Variants in CCDC30 observed in about 807,000 individuals in gnomAD.
CCDC30 encodes the protein coiled-coil domain containing 30.
Under a neutral mutation model 100.2 loss-of-function variants are expected in CCDC30, and 70 were observed. That is an observed-to-expected ratio of 0.70 (90% confidence interval 0.58 to 0.85). The LOEUF (loss-of-function observed/expected upper bound fraction) is 0.85. Ranked by LOEUF, CCDC30 falls within the 40% of genes least tolerant of loss-of-function variation. The pLI, the probability that CCDC30 is intolerant of heterozygous loss-of-function variation, is 0.00. For missense variants in CCDC30, 652 were observed against 771.2 expected, an observed-to-expected ratio of 0.85 and a Z score of 1.83; for synonymous variants, 233 against 269.5, an observed-to-expected ratio of 0.86 and a Z score of 1.33.
intron 7 of CCDC30, among the ~76,000 whole-genome samples, chr1:42,574,299 G>A (rs758764112): frequency 6.6e-6 from 1 of 151,868 alleles, no homozygotes; most frequent in Non-Finnish European, 1.5e-5. Context: ...GTTATGAGAA[G>A]TCAAGTTCTT....
intron 1 of CCDC30, chr1:42,473,059 T>C (rs985110798): frequency 6.6e-6 from 8 of 1,217,382 alleles, no homozygotes; most frequent in South Asian, 8.6e-5. Context: ...CACATAGATA[T>C]CTTGCATCCT....
intron 10 of CCDC30, among the ~76,000 whole-genome samples, chr1:42,608,907 A>G (rs113918987): frequency 5.9e-5 from 9 of 152,302 alleles, no homozygotes; most frequent in African/African-American, 1.9e-4. Flanking sequence ...ACAATCTGGC[A>G]GAAGGATTCC....
At chr1:42,513,724 C>G (rs1248140000) in intron 6 of CCDC30, among the ~76,000 whole-genome samples, 5 of 152,082 alleles carry the variant, frequency 3.3e-5, no homozygotes, top group African/African-American at 1.2e-4. Flanking sequence ...CTTTTTAACT[C>G]CTATATCATT....
At chr1:42,559,719 G>A (rs1029811749) in intron 6 of CCDC30, among the ~76,000 whole-genome samples, 11 of 152,072 alleles carry the variant, frequency 7.2e-5, no homozygotes, top group Non-Finnish European at 1.6e-4. Flanking sequence ...CCCACTGTCA[G>A]TATTAGACAG....
chr1:42,640,895 A>G (rs1223535659), intron 12 of CCDC30, among the ~76,000 whole-genome samples: 1 of 152,060 alleles, frequency 6.6e-6, no homozygotes, highest in Non-Finnish European at 1.5e-5. Context: ...TTTATCTAAA[A>G]AAAAAATTAA....
At chr1:42,627,005 G>A (rs1336494218) in intron 11 of CCDC30, among the ~76,000 whole-genome samples, 4 of 152,196 alleles carry the variant, frequency 2.6e-5, no homozygotes, top group Admixed American at 6.5e-5. Flanking sequence ...TGGATAACAG[G>A]CAGAGGTTGG....
intron 14 of CCDC30, among the ~76,000 whole-genome samples, chr1:42,645,145 C>G (rs1056399341): frequency 1.3e-5 from 2 of 152,072 alleles, no homozygotes; most frequent in Admixed American, 6.6e-5. Flanking sequence ...AGGAGTGTAT[C>G]TCATATATTA....
chr1:42,599,642 A>G (rs1267101449), intron 10 of CCDC30, among the ~76,000 whole-genome samples: 1 of 152,248 alleles, frequency 6.6e-6, no homozygotes, highest in African/African-American at 2.4e-5. Context: ...AACAAAACCC[A>G]ACTATATGTT....
chr1:42,612,320 A>G (rs372745381), intron 11 of CCDC30, among the ~76,000 whole-genome samples: 3 of 152,324 alleles, frequency 2.0e-5, no homozygotes, highest in Admixed American at 6.5e-5. Flanking sequence ...GGAATAGGAT[A>G]TCATATAGAA....
At chr1:42,653,141 T>C (rs966637710) in intron 15 of CCDC30, among the ~76,000 whole-genome samples, 1 of 152,104 alleles carries the variant, frequency 6.6e-6, no homozygotes, top group South Asian at 2.1e-4. Flanking sequence ...TATAGTACCA[T>C]GTGTGTAAAA....
intron 6 of CCDC30, among the ~76,000 whole-genome samples, chr1:42,502,662 A>G (rs1298538928): frequency 6.6e-6 from 1 of 151,948 alleles, no homozygotes; most frequent in Non-Finnish European, 1.5e-5. Context: ...AACTCTATCC[A>G]TTATCCATTA....
At chr1:42,576,480 G>A (rs1279771588) in intron 7 of CCDC30, among the ~76,000 whole-genome samples, 2 of 152,200 alleles carry the variant, frequency 1.3e-5, no homozygotes, top group Admixed American at 6.5e-5. Context: ...TTTCATTTTG[G>A]CAAGTATTGG....
intron 6 of CCDC30, among the ~76,000 whole-genome samples, chr1:42,557,012 A>G (rs1341517875): frequency 6.6e-6 from 1 of 152,192 alleles, no homozygotes; most frequent in Non-Finnish European, 1.5e-5. Flanking sequence ...AGTAGTGACT[A>G]TAGCCACATT....
chr1:42,566,941 G>A (rs1415336672), intron 7 of CCDC30, among the ~76,000 whole-genome samples: 1 of 152,132 alleles, frequency 6.6e-6, no homozygotes, highest in Non-Finnish European at 1.5e-5. Flanking sequence ...AATAATCTAT[G>A]TAGAACTGCC....
At chr1:42,456,526 G>T in the CCDC30 span, 1 of 1,437,430 alleles carries the variant, frequency 7.0e-7, no homozygotes, top group South Asian at 1.5e-5. Flanking sequence ...GTGGCGCGGC[G>T]GCCGCGAAAC....
intron 11 of CCDC30, among the ~76,000 whole-genome samples, chr1:42,614,785 T>G (rs917952772): frequency 7.1e-6 from 1 of 141,370 alleles, no homozygotes; most frequent in African/African-American, 2.6e-5. Context: ...AGACTCCATC[T>G]CGAAAAAAAA....
chr1:42,536,937 G>A, intron 6 of CCDC30: 3 of 358,588 alleles, frequency 8.4e-6, no homozygotes, highest in Non-Finnish European at 1.1e-5. Context: ...TTGGATTAAG[G>A]CCCCACCCTT....
chr1:42,524,161 TTCTTAAAAATTGAACATCTGAA>T (rs1368987490), intron 6 of CCDC30, among the ~76,000 whole-genome samples: 12 of 152,186 alleles, frequency 7.9e-5, no homozygotes, highest in African/African-American at 2.6e-4. Context: ...GTATTTTTTT[TTCTTAAAAATTGAACATCTGAA>T]TCTAATGTGG....
intron 9 of CCDC30, among the ~76,000 whole-genome samples, chr1:42,587,892 G>A (rs1321587301): frequency 6.6e-6 from 1 of 152,178 alleles, no homozygotes; most frequent in Non-Finnish European, 1.5e-5. Context: ...CCATTGCTTA[G>A]TGCACAGAAA....
Sources: allele counts gnomAD v4.1 joint callset (sites outside exome capture counted in the v4.1 genomes callset), GRCh38; gene constraint gnomAD v4.1.1; transcripts MANE v1.5; gene names NCBI Gene and HGNC (gene_info 2026-07-23, HGNC 2026-07-21).